Variants in LRRC7 observed in about 807,000 individuals in gnomAD.
The protein encoded by LRRC7 is leucine rich repeat containing 7, also known as leucine-rich repeat-containing protein 7.
LRRC7 carries 23 observed loss-of-function variants against 175.7 expected under a neutral mutation model. The ratio of observed to expected loss-of-function variants is 0.13; its 90% CI spans 0.09 to 0.19. The LOEUF is 0.19. Among genes scored for constraint, LRRC7 ranks in the 10% least tolerant of loss-of-function variants. The probability of loss-of-function intolerance (pLI) is 1.00; values close to 1 mark genes in which losing one functional copy is unlikely to be tolerated. For synonymous variants in LRRC7, 685 were observed against 680.9 expected (o/e 1.01, Z -0.09); for missense variants, 1,354 against 1,904.7 (o/e 0.71, Z 5.38).
At chr1:69,730,290 T>C (rs1276733687) in intron 2 of LRRC7, among the ~76,000 whole-genome samples, 1 of 152,226 alleles carries the variant, frequency 6.6e-6, no homozygotes, top group Non-Finnish European at 1.5e-5. Context: ...GGCTTGAATG[T>C]CTTTCCAGAA....
intron 7 of LRRC7, among the ~76,000 whole-genome samples, chr1:69,887,264 G>T (rs1370716374): frequency 7.9e-6 from 1 of 125,966 alleles, no homozygotes. Context: ...CCAATCAGAC[G>T]TAGATTTGGT....
In LRRC7 at chr1:69,818,050, G is replaced by A. The variant is rs543577628; in HGVS notation, c.422-7698G>A. On this transcript the variant is annotated intron_variant, in intron 4 of 26. Coordinates refer to ENST00000651989, the MANE Select transcript of LRRC7 (RefSeq NM_001370785.2). The stretch of plus-strand genomic sequence containing the variant: ...AGGGTTTTCTATATATAAGATGCTG[G>A]CATCCACAAAGAGGGACCATTCAGC... Among the ~76,000 whole-genome samples, 249 of 152,116 alleles carry A rather than the reference G, an allele frequency of 1.6e-3. 3 individuals carry two copies. The highest frequency in any genetic ancestry group is 0.015 in the Admixed American group (226 of 15,276).
intron 2 of LRRC7, among the ~76,000 whole-genome samples, chr1:69,744,030 CAAACA>C (rs1217638263): frequency 1.3e-5 from 2 of 151,134 alleles, no homozygotes; most frequent in East Asian, 3.9e-4. Context: ...AATTTTTTAC[CAAACA>C]GCCCATCAAT....
chr1:69,573,066 T>A (rs1227167187), intron 1 of LRRC7, among the ~76,000 whole-genome samples: 1 of 152,156 alleles, frequency 6.6e-6, no homozygotes, highest in Non-Finnish European at 1.5e-5. Flanking sequence ...ACTGTAATCA[T>A]AATTATAATA....
At position 69,784,835 on chromosome 1, in the gene LRRC7, TG is replaced by T. The variant is rs1475086203; in HGVS notation, c.304-7207del. Among the ~76,000 whole-genome samples the T allele has an allele frequency of 3.3e-5, 5 of 152,320 alleles. No individual in the cohort carries two copies. The East Asian group carries it at 9.6e-4, about 29-fold the overall frequency. ...GTGCATGAGTTATTAAATTTTAGTT[TG>T]TAAATGTAGAACACAATATAAATGT... On this transcript the variant is annotated intron_variant, in intron 3 of 26. Coordinates refer to ENST00000651989, the MANE Select transcript of LRRC7 (RefSeq NM_001370785.2).
chr1:69,642,374 G>A (rs1654338219), intron 1 of LRRC7, among the ~76,000 whole-genome samples: 1 of 151,780 alleles, frequency 6.6e-6, no homozygotes, highest in Non-Finnish European at 1.5e-5. Flanking sequence ...ATCAATTAAT[G>A]TGTAATATTT....
At chr1:69,807,310 T>C (rs1359191883) in intron 4 of LRRC7, among the ~76,000 whole-genome samples, 1 of 152,158 alleles carries the variant, frequency 6.6e-6, no homozygotes, top group African/African-American at 2.4e-5. Context: ...AAATTAATAT[T>C]GTTATGTGTG....
chr1:70,139,645 C>T lies in LRRC7; in HGVS notation c.*17758C>T, dbSNP rs1464090423. The T allele has an allele frequency of 6.6e-6, 1 of 152,110 alleles. No individual in the cohort carries two copies. The highest frequency in any genetic ancestry group is 1.9e-4 in the East Asian group (1 of 5,190). 9.4% of individuals were successfully genotyped at this position (152,110 alleles called of 1,614,324 possible). A position where few individuals can be genotyped will look rare whatever the true frequency, so the allele number is the denominator to read the frequency against. On this transcript the variant is annotated 3_prime_UTR_variant, in exon 27 of 27. Transcript: ENST00000651989. Reference sequence around the variant, plus strand: ...TCTGCAGGAAGGGTTAAATCAAATCCTTTACAGGGTGACCTTCCTACATCT... The same window carrying T: ...TCTGCAGGAAGGGTTAAATCAAATCTTTTACAGGGTGACCTTCCTACATCT...
chr1:69,774,533 A>T (rs964204942), intron 3 of LRRC7, among the ~76,000 whole-genome samples: 5 of 152,094 alleles, frequency 3.3e-5, no homozygotes, highest in Non-Finnish European at 7.4e-5. Context: ...GATTTTAGCT[A>T]CTCTTGCCAC....
At chr1:69,881,078 A>C (rs1251213015) in intron 7 of LRRC7, among the ~76,000 whole-genome samples, 1 of 152,224 alleles carries the variant, frequency 6.6e-6, no homozygotes, top group African/African-American at 2.4e-5. Flanking sequence ...AATTTCTAAA[A>C]TGTTATCACA....
chr1:69,685,068 C>T (rs1173761414), intron 2 of LRRC7, among the ~76,000 whole-genome samples: 2 of 152,260 alleles, frequency 1.3e-5, no homozygotes, highest in African/African-American at 4.8e-5. Flanking sequence ...GAATCCAGAG[C>T]AGCACTTTTA....
At position 70,036,514 on chromosome 1, in the gene LRRC7, A is replaced by G; in HGVS notation, c.2178A>G (p.Ser726=). 5 of 1,614,090 alleles carry G rather than the reference A, an allele frequency of 3.1e-6. No individual in the cohort carries two copies. The highest frequency in any genetic ancestry group is 1.1e-5 in the South Asian group (1 of 91,080). The stretch of plus-strand genomic sequence containing the variant: ...ACAGTGTTTCCTCAGGCACTTACTC[A>G]GACTACTCGCCTTCCCAGGCTTCCT... The part of the protein sequence containing the change: ...LNNSVSSGTY[S]DYSPSQASSG... Residue 726 remains serine, a synonymous_variant, in exon 20 of 27, where the codon TCA becomes TCG. Coordinates refer to ENST00000651989, the MANE Select transcript of LRRC7 (RefSeq NM_001370785.2).
At position 69,773,681 on chromosome 1, in the gene LRRC7, C is replaced by T. The variant is rs147941930; in HGVS notation, c.303+13288C>T. Among the ~76,000 whole-genome samples, 36 of 152,216 alleles carry T rather than the reference C, an allele frequency of 2.4e-4. No individual in the cohort carries two copies. The East Asian group carries it at 6.8e-3, about 29-fold the overall frequency. On this transcript the variant is annotated intron_variant, in intron 3 of 26. Transcript: ENST00000651989. ...AGAAGAAACCGAAAAGACAGATGAA[C>T]AGCTAAGAAGGCAGGAAATGCAACA...
chr1:70,043,540 A>T (rs1660089848), intron 21 of LRRC7, among the ~76,000 whole-genome samples: 1 of 152,200 alleles, frequency 6.6e-6, no homozygotes, highest in Non-Finnish European at 1.5e-5. Flanking sequence ...TGTCTTTCAC[A>T]AGTGATGATC....
chr1:69,713,816 G>T lies in LRRC7; in HGVS notation c.100+35338G>T, dbSNP rs143293679. On this transcript the variant is annotated intron_variant, in intron 2 of 26. Coordinates refer to ENST00000651989, the MANE Select transcript of LRRC7 (RefSeq NM_001370785.2). ...GAGATAATTGTTTAACATTAATACA[G>T]ACTTTTGCCCCAAATAAGAATTTCC... Among the ~76,000 whole-genome samples, 599 of 151,712 alleles carry T rather than the reference G, an allele frequency of 3.9e-3. 6 individuals are homozygous for T. Among genetic ancestry groups the T allele is most frequent in the African/African-American group, 0.014 (566 of 41,390 alleles).
At chr1:69,918,302 C>T (rs2101726657) in intron 7 of LRRC7, among the ~76,000 whole-genome samples, 1 of 152,250 alleles carries the variant, frequency 6.6e-6, no homozygotes, top group South Asian at 2.1e-4. Flanking sequence ...ACTCCAGTGC[C>T]CACAGGGCGC....
rs76268932 is a variant in LRRC7, at chr1:70,113,201, A to G, written c.4620+5375A>G. Reference sequence around the variant, plus strand: ...CACTGAATCACGCTTCCTTGTCTGAATGGAAATTTGATGGCTCTCTTAATG... The same window carrying G: ...CACTGAATCACGCTTCCTTGTCTGAGTGGAAATTTGATGGCTCTCTTAATG... On this transcript the variant is annotated intron_variant, in intron 26 of 26. Coordinates refer to ENST00000651989, the MANE Select transcript of LRRC7 (RefSeq NM_001370785.2). Among the ~76,000 whole-genome samples the G allele has an allele frequency of 7.2e-3, 1,096 of 152,334 alleles. 12 individuals carry two copies. Among genetic ancestry groups the G allele is most frequent in the African/African-American group, 0.025 (1,037 of 41,578 alleles).
chr1:69,916,109 TA>T (rs1646691057), intron 7 of LRRC7, among the ~76,000 whole-genome samples: 2 of 20,224 alleles, frequency 9.9e-5, no homozygotes, highest in African/African-American at 1.9e-4. Context: ...TTATATATAA[TA>T]TATATATTAT....
chr1:69,806,427 C>T (rs1006271300), intron 4 of LRRC7, among the ~76,000 whole-genome samples: 2 of 151,918 alleles, frequency 1.3e-5, no homozygotes, highest in Non-Finnish European at 2.9e-5. Context: ...TCAAAATTTT[C>T]CTCAGATGTG....
Sources: allele counts gnomAD v4.1 joint callset (sites outside exome capture counted in the v4.1 genomes callset), GRCh38; gene constraint gnomAD v4.1.1; transcripts MANE v1.5; gene names NCBI Gene and HGNC (gene_info 2026-07-23, HGNC 2026-07-21).